Variants in FGF12 observed in about 807,000 individuals in gnomAD.
FGF12 encodes fibroblast growth factor 12B.
A neutral mutation model predicts 23.6 loss-of-function variants in FGF12; 14 were observed. That is an observed-to-expected ratio of 0.59 (90% CI 0.39 to 0.93). The LOEUF (loss-of-function observed/expected upper bound fraction) is 0.93, where lower values mean the gene tolerates loss of function less well. FGF12 is among the 40% of genes least tolerant of loss of function. FGF12 has a pLI of 0.00. For synonymous variants in FGF12, 62 were observed against 77.3 expected, an observed-to-expected ratio of 0.80 and a Z score of 1.04; for missense variants, 175 against 217.8, an observed-to-expected ratio of 0.80 and a Z score of 1.24.
chr3:192,261,976 C>G (rs886122578), intron 4 of FGF12, among the ~76,000 whole-genome samples: 1 of 152,174 alleles, frequency 6.6e-6, no homozygotes, highest in Non-Finnish European at 1.5e-5. Flanking sequence ...TCAAAGACAA[C>G]AGAGGTGCCC....
intron 2 of FGF12, among the ~76,000 whole-genome samples, chr3:192,602,137 T>TGTAGAATCTAA (rs1577074060): frequency 6.6e-6 from 1 of 152,256 alleles, no homozygotes; most frequent in East Asian, 1.9e-4. Flanking sequence ...GTTCACCAAT[T>TGTAGAATCTAA]CAATTCTAAC....
intron 2 of FGF12, among the ~76,000 whole-genome samples, chr3:192,433,162 A>AC: frequency 6.6e-6 from 1 of 152,254 alleles, no homozygotes; most frequent in East Asian, 1.9e-4. Flanking sequence ...ACCCCCAGGG[A>AC]CCCTGGCACC....
At chr3:192,451,261 G>A (rs533886364) in intron 2 of FGF12, among the ~76,000 whole-genome samples, 5 of 152,308 alleles carry the variant, frequency 3.3e-5, no homozygotes, top group East Asian at 1.9e-4. Flanking sequence ...AGAATGATCA[G>A]GAGTAGAATC....
intron 2 of FGF12, among the ~76,000 whole-genome samples, chr3:192,599,676 G>A (rs916316589): frequency 6.6e-6 from 1 of 151,998 alleles, no homozygotes; most frequent in African/African-American, 2.4e-5. Flanking sequence ...GGACTTTTCT[G>A]AGACAATCAT....
intron 2 of FGF12, among the ~76,000 whole-genome samples, chr3:192,668,954 T>C (rs1717001056): frequency 6.6e-6 from 1 of 152,020 alleles, no homozygotes; most frequent in Non-Finnish European, 1.5e-5. Flanking sequence ...AATCAGCAGT[T>C]AGGAAATTAG....
chr3:192,155,348 T>A (rs1714344565), intron 5 of FGF12, among the ~76,000 whole-genome samples: 1 of 152,226 alleles, frequency 6.6e-6, no homozygotes, highest in Non-Finnish European at 1.5e-5. Context: ...GAAACTTTTA[T>A]GAGTTGTTCT....
At chr3:192,446,076 T>C (rs571890915) in intron 2 of FGF12, among the ~76,000 whole-genome samples, 3 of 152,314 alleles carry the variant, frequency 2.0e-5, no homozygotes, top group Non-Finnish European at 4.4e-5. Context: ...ATATAATTTG[T>C]CTTGATTCCA....
At chr3:192,363,103 G>C (rs567786090) in intron 2 of FGF12, among the ~76,000 whole-genome samples, 182 of 150,736 alleles carry the variant, frequency 1.2e-3, no homozygotes, top group Non-Finnish European at 2.2e-3. Flanking sequence ...GTAGGGGGAG[G>C]GGGGAGGGAT....
At chr3:192,454,750 A>G (rs1722628261) in intron 2 of FGF12, among the ~76,000 whole-genome samples, 1 of 152,188 alleles carries the variant, frequency 6.6e-6, no homozygotes, top group Non-Finnish European at 1.5e-5. Context: ...AAAATTTAAA[A>G]TGATACTGAT....
intron 4 of FGF12, among the ~76,000 whole-genome samples, chr3:192,213,996 T>TA (rs1294022198): frequency 2.0e-5 from 3 of 152,166 alleles, no homozygotes; most frequent in Non-Finnish European, 4.4e-5. Flanking sequence ...GGCTTTTTTT[T>TA]AAAAAACTGT....
chr3:192,397,945 T>TG (rs1720594330), intron 2 of FGF12, among the ~76,000 whole-genome samples: 1 of 115,614 alleles, frequency 8.6e-6, no homozygotes. Context: ...ACCAGTGCAA[T>TG]TTAAAAAAAA....
At chr3:192,708,073 C>T (rs558370942) in intron 2 of FGF12, among the ~76,000 whole-genome samples, 8 of 152,282 alleles carry the variant, frequency 5.3e-5, no homozygotes, top group East Asian at 1.9e-4. Context: ...CATTCTTCTG[C>T]CTCAGCCTCC....
chr3:192,301,524 G>A (rs112189317), intron 4 of FGF12, among the ~76,000 whole-genome samples: 1 of 152,168 alleles, frequency 6.6e-6, no homozygotes, highest in Non-Finnish European at 1.5e-5. Context: ...GACTTGGAGA[G>A]ACAGGCATTA....
intron 2 of FGF12, among the ~76,000 whole-genome samples, chr3:192,566,838 A>G (rs996409117): frequency 6.6e-6 from 1 of 152,196 alleles, no homozygotes; most frequent in Non-Finnish European, 1.5e-5. Context: ...AAATATAAGA[A>G]CCAACAACAC....
chr3:192,199,056 T>TTATCCTTTAGTTAAAAAAAATTC (rs1717225386), intron 4 of FGF12, among the ~76,000 whole-genome samples: 1 of 152,220 alleles, frequency 6.6e-6, no homozygotes, highest in Admixed American at 6.5e-5. Flanking sequence ...TCAGCACCGT[T>TTATCCTTTAGTTAAAAAAAATTC]TCAAGGAAGA....
At chr3:192,344,443 T>C (rs996564297) in intron 3 of FGF12, among the ~76,000 whole-genome samples, 3 of 152,212 alleles carry the variant, frequency 2.0e-5, no homozygotes, top group African/African-American at 7.2e-5. Flanking sequence ...TAAAACACTG[T>C]TAAGAATGTA....
chr3:192,218,771 C>T lies in FGF12; in HGVS notation c.229-48115G>A, dbSNP rs772902636. On this transcript the variant is annotated intron_variant, in intron 4 of 5. Transcript: ENST00000445105. Reference sequence around the variant, plus strand: ...TACTTTGACTAAAAATGAGCCAAGGCGGAAAAGAGGAAGAGCATTTTAAAA... The same window carrying T: ...TACTTTGACTAAAAATGAGCCAAGGTGGAAAAGAGGAAGAGCATTTTAAAA... 3.0e-4 allele frequency among the ~76,000 whole-genome samples: 45 copies of T among 152,156 alleles called. 1 individual carries two copies. Among genetic ancestry groups the T allele is most frequent in the African/African-American group, 4.1e-4 (17 of 41,436 alleles).
chr3:192,387,987 G>A (rs1212058010), intron 2 of FGF12, among the ~76,000 whole-genome samples: 1 of 152,114 alleles, frequency 6.6e-6, no homozygotes, highest in Non-Finnish European at 1.5e-5. Flanking sequence ...AAGGCCGGAG[G>A]GGTGTCTCAC....
rs117645138 is a variant in FGF12 at position 192,262,442 on chromosome 3, A to G, written c.228+72919T>C. Among the ~76,000 whole-genome samples, 20 of 152,276 alleles carry G rather than the reference A, an allele frequency of 1.3e-4. No homozygotes were observed. The East Asian group carries it at 3.9e-3, about 29-fold the overall frequency. ...GACTGCAGACAGTTAAATATTATGG[A>G]ATTATGGTATATATAGTTGTGTGCC... is the stretch of plus-strand genomic sequence containing the variant. On this transcript the variant is annotated intron_variant, in intron 4 of 5. Transcript: ENST00000445105.
Sources: allele counts gnomAD v4.1 joint callset (sites outside exome capture counted in the v4.1 genomes callset), GRCh38; gene constraint gnomAD v4.1.1; transcripts MANE v1.5; gene names NCBI Gene and HGNC (gene_info 2026-07-23, HGNC 2026-07-21).